ATOSA: variants seen among roughly 807,000 people sequenced by gnomAD.
ATOSA encodes the protein atos homolog A.
At chr15:52,683,592 A>T in the ATOSA span, among the ~76,000 whole-genome samples, 3 of 152,376 alleles carry the variant, frequency 2.0e-5, no homozygotes, top group African/African-American at 7.2e-5. Context: ...CACTTAAGTC[A>T]TAAGCACTAT....
chr15:52,686,141 A>G, the ATOSA span, among the ~76,000 whole-genome samples: 1 of 152,348 alleles, frequency 6.6e-6, no homozygotes, highest in African/African-American at 2.4e-5. Flanking sequence ...TGATGGGTAG[A>G]CTTCACTCTA....
chr15:52,688,556 G>A, the ATOSA span, among the ~76,000 whole-genome samples: 1 of 152,216 alleles, frequency 6.6e-6, no homozygotes, highest in Non-Finnish European at 1.5e-5. Context: ...ATTGGCCACT[G>A]AGGGATGGGG....
the ATOSA span, among the ~76,000 whole-genome samples, chr15:52,590,308 G>A: frequency 6.6e-6 from 1 of 152,194 alleles, no homozygotes; most frequent in Non-Finnish European, 1.5e-5. Context: ...TGGCACACCT[G>A]CCTTAGATAT....
the ATOSA span, among the ~76,000 whole-genome samples, chr15:52,604,653 C>T: frequency 6.6e-6 from 1 of 152,158 alleles, no homozygotes; most frequent in Non-Finnish European, 1.5e-5. Flanking sequence ...GATTGTGTTG[C>T]ATAACTAGGG....
the ATOSA span, among the ~76,000 whole-genome samples, chr15:52,597,520 C>T: frequency 6.6e-6 from 1 of 152,094 alleles, no homozygotes; most frequent in African/African-American, 2.4e-5. Context: ...CCAAGCCACC[C>T]CCTAAGAGTA....
the ATOSA span, among the ~76,000 whole-genome samples, chr15:52,615,601 CA>C: frequency 6.6e-6 from 1 of 152,110 alleles, no homozygotes; most frequent in South Asian, 2.1e-4. Context: ...GAAAAGTATG[CA>C]AAAAGAAAGA....
chr15:52,593,598 T>C, the ATOSA span: 2 of 1,573,290 alleles, frequency 1.3e-6, no homozygotes, highest in Non-Finnish European at 1.7e-6. Context: ...GAGGGAGCAT[T>C]GTCATCTGAA....
the ATOSA span, among the ~76,000 whole-genome samples, chr15:52,666,890 G>A: frequency 6.6e-6 from 1 of 151,912 alleles, no homozygotes; most frequent in Non-Finnish European, 1.5e-5. Context: ...AAGGGAGAAT[G>A]AATTAGCTGT....
the ATOSA span, among the ~76,000 whole-genome samples, chr15:52,638,846 A>C: frequency 6.6e-6 from 1 of 152,062 alleles, no homozygotes; most frequent in African/African-American, 2.4e-5. Flanking sequence ...CCTTATTACT[A>C]ATTTTTAAAA....
At chr15:52,665,789 TA>T in the ATOSA span, among the ~76,000 whole-genome samples, 1 of 152,182 alleles carries the variant, frequency 6.6e-6, no homozygotes, top group Non-Finnish European at 1.5e-5. Flanking sequence ...AATTTTATGT[TA>T]TCCACATTTT....
At chr15:52,627,039 C>T in the ATOSA span, among the ~76,000 whole-genome samples, 2 of 152,164 alleles carry the variant, frequency 1.3e-5, no homozygotes, top group Non-Finnish European at 1.5e-5. Context: ...CTTTGTTTCT[C>T]TGCCCATGCA....
the ATOSA span, among the ~76,000 whole-genome samples, chr15:52,597,597 A>C: frequency 1.3e-5 from 2 of 152,216 alleles, no homozygotes; most frequent in African/African-American, 2.4e-5. Context: ...GACAGAAAGC[A>C]CTAAGATTCC....
the ATOSA span, among the ~76,000 whole-genome samples, chr15:52,597,128 A>G: frequency 2.0e-5 from 3 of 152,020 alleles, no homozygotes; most frequent in Non-Finnish European, 4.4e-5. Context: ...GCAGTTTCTT[A>G]ACAGTTAAAC....
At chr15:52,646,403 G>C in the ATOSA span, among the ~76,000 whole-genome samples, 461 of 152,274 alleles carry the variant, frequency 3.0e-3, 2 homozygotes, top group East Asian at 0.025. Flanking sequence ...GGCCAAAGGA[G>C]GTGTCATTAG....
At chr15:52,632,633 G>C in the ATOSA span, among the ~76,000 whole-genome samples, 1 of 152,132 alleles carries the variant, frequency 6.6e-6, no homozygotes, top group African/African-American at 2.4e-5. Flanking sequence ...TTTTCGGTTA[G>C]TATTTGACCT....
chr15:52,658,801 CAAAAAAAAAAAAAA>C, the ATOSA span: 2 of 263,612 alleles, frequency 7.6e-6, no homozygotes, highest in African/African-American at 4.4e-5. Context: ...CTCGTTTCTA[CAAAAAAAAAAAAAA>C]AAAAAAAAAA....
At chr15:52,684,258 G>C in the ATOSA span, among the ~76,000 whole-genome samples, 1 of 152,134 alleles carries the variant, frequency 6.6e-6, no homozygotes, top group Admixed American at 6.5e-5. Context: ...TTTTCAGCTG[G>C]GCATGGTAGC....
At chr15:52,705,279 C>G in the ATOSA span, among the ~76,000 whole-genome samples, 6 of 151,956 alleles carry the variant, frequency 3.9e-5, no homozygotes, top group African/African-American at 1.5e-4. Flanking sequence ...ACCGCATGTT[C>G]TCACTCATAA....
chr15:52,693,975 T>C, the ATOSA span, among the ~76,000 whole-genome samples: 1 of 152,136 alleles, frequency 6.6e-6, no homozygotes, highest in East Asian at 1.9e-4. Context: ...TCTTCTCTTT[T>C]GTTCAAGTTC....
Sources: gnomAD v4.1 joint callset for allele counts (sites outside exome capture counted in the v4.1 genomes callset) on GRCh38, gnomAD v4.1.1 for gene constraint, MANE v1.5 for transcripts, NCBI Gene and HGNC (gene_info 2026-07-23, HGNC 2026-07-21) for gene names.